Variants in GPC6 observed in about 807,000 individuals in gnomAD.
The protein encoded by GPC6 is glypican 6, also known as glypican-6.
GPC6 carries 14 observed loss-of-function variants against 55.2 expected under a neutral mutation model. That is an observed-to-expected ratio of 0.25 (90% CI 0.17 to 0.40). The LOEUF (loss-of-function observed/expected upper bound fraction) is 0.40. GPC6 is among the 10% of genes least tolerant of loss of function. GPC6 has a pLI of 1.00. For missense variants in GPC6, 641 were observed against 708.5 expected (o/e 0.90, Z 1.08); for synonymous variants, 278 against 259.6 (o/e 1.07, Z -0.68).
chr13:93,527,472 A>G (rs991774137), intron 1 of GPC6, among the ~76,000 whole-genome samples: 1 of 152,128 alleles, frequency 6.6e-6, no homozygotes, highest in African/African-American at 2.4e-5. Context: ...CTTTTGGTTT[A>G]AAACCATGGC....
chr13:93,763,870 C>G (rs144068907), intron 2 of GPC6, among the ~76,000 whole-genome samples: 11 of 151,892 alleles, frequency 7.2e-5, no homozygotes, highest in Non-Finnish European at 1.6e-4. Flanking sequence ...CTGCAAGACT[C>G]TCTCCTTTAT....
intron 6 of GPC6, among the ~76,000 whole-genome samples, chr13:94,350,950 T>C (rs529077076): frequency 6.6e-6 from 1 of 152,286 alleles, no homozygotes; most frequent in East Asian, 1.9e-4. Flanking sequence ...AAACTTGGCT[T>C]TCTCAGGTTG....
intron 1 of GPC6, among the ~76,000 whole-genome samples, chr13:93,254,708 A>T (rs1011445041): frequency 2.0e-5 from 3 of 147,656 alleles, no homozygotes; most frequent in East Asian, 4.0e-4. Context: ...GGAATTATAT[A>T]AAAAAAAAAT....
At chr13:93,683,895 G>T (rs1003049680) in intron 2 of GPC6, among the ~76,000 whole-genome samples, 4 of 152,088 alleles carry the variant, frequency 2.6e-5, no homozygotes, top group African/African-American at 9.7e-5. Context: ...CAGCATGGTT[G>T]GGTTCTGGTG....
At chr13:93,995,679 C>T (rs1881513204) in intron 3 of GPC6, among the ~76,000 whole-genome samples, 1 of 152,032 alleles carries the variant, frequency 6.6e-6, no homozygotes, top group South Asian at 2.1e-4. Flanking sequence ...AATATATTTT[C>T]AATTATAGTT....
In GPC6 at chr13:94,027,711, T is replaced by C; in HGVS notation, c.712-18T>C. The C allele has an allele frequency of 1.2e-6, 2 of 1,612,628 alleles. No individual in the cohort carries two copies. Among genetic ancestry groups the C allele is most frequent in the Non-Finnish European group, 1.7e-6 (2 of 1,178,610 alleles). ...CTTCTTATTTTTGATTTTCTTTTTC[T>C]TTGCAATAAATCTGCAGGTCAGCCC... On this transcript the variant is annotated intron_variant, in intron 3 of 8. Coordinates refer to ENST00000377047, the MANE Select transcript of GPC6 (RefSeq NM_005708.5).
chr13:94,225,774 G>A (rs9589933), intron 4 of GPC6, among the ~76,000 whole-genome samples: 14,193 of 151,872 alleles, frequency 0.093, 775 homozygotes, highest in East Asian at 0.19. Flanking sequence ...AGGCTTGCAG[G>A]AGCCTAAATC....
intron 4 of GPC6, among the ~76,000 whole-genome samples, chr13:94,120,270 G>A (rs1051126493): frequency 1.3e-5 from 2 of 152,010 alleles, no homozygotes; most frequent in South Asian, 2.1e-4. Flanking sequence ...GGTGGTCAAA[G>A]GCAGGAGCAG....
At chr13:93,761,683 T>C (rs536711528) in intron 2 of GPC6, among the ~76,000 whole-genome samples, 85 of 152,236 alleles carry the variant, frequency 5.6e-4, no homozygotes, top group Middle Eastern at 3.4e-3. Context: ...TTTTTAAAAT[T>C]ATTGTTTGTA....
At chr13:93,992,416 A>G (rs1222205413) in intron 3 of GPC6, among the ~76,000 whole-genome samples, 2 of 152,138 alleles carry the variant, frequency 1.3e-5, no homozygotes, top group Admixed American at 1.3e-4. Flanking sequence ...GATTAGGTCA[A>G]TTTAATTGTG....
Position 93,333,445 on chromosome 13 carries a change from A to AT in GPC6, c.160+105837dup, listed in dbSNP as rs568182411. 1.6e-3 allele frequency among the ~76,000 whole-genome samples: 221 copies of AT among 142,150 alleles called. 2 individuals are homozygous for AT. The East Asian group carries it at 0.018, about 11-fold the overall frequency. 93.3% of individuals were successfully genotyped at this position (142,150 alleles called of 152,430 possible). On this transcript the variant is annotated intron_variant, in intron 1 of 8. Coordinates refer to ENST00000377047, the MANE Select transcript of GPC6 (RefSeq NM_005708.5). ...GGTTGAATATATTACTAGTTATTTG[A>AT]TTTTTTTTGTAACTATTGTAAATGG...
chr13:93,739,498 C>T (rs934087114), intron 2 of GPC6, among the ~76,000 whole-genome samples: 10 of 145,060 alleles, frequency 6.9e-5, no homozygotes, highest in Admixed American at 4.3e-4. Flanking sequence ...GGTGCGATTT[C>T]GGCTCACTGC....
chr13:93,307,823 G>C (rs189109374), intron 1 of GPC6, among the ~76,000 whole-genome samples: 44 of 152,192 alleles, frequency 2.9e-4, no homozygotes, highest in African/African-American at 9.6e-4. Context: ...AATGCCAAGA[G>C]AGTGAATGTA....
intron 1 of GPC6, among the ~76,000 whole-genome samples, chr13:93,483,474 C>G (rs1879591986): frequency 6.6e-6 from 1 of 151,976 alleles, no homozygotes; most frequent in African/African-American, 2.4e-5. Flanking sequence ...CTAGTTTTTA[C>G]CAATATCTGA....
intron 1 of GPC6, among the ~76,000 whole-genome samples, chr13:93,412,838 A>T (rs4773745): frequency 0.15 from 22,642 of 152,102 alleles, 2,284 homozygotes; most frequent in East Asian, 0.48. Context: ...GTCAGGCTCT[A>T]TAATTATTTA....
intron 2 of GPC6, among the ~76,000 whole-genome samples, chr13:93,641,010 A>T (rs1177634614): frequency 2.0e-5 from 3 of 151,834 alleles, no homozygotes; most frequent in Non-Finnish European, 1.5e-5. Context: ...ATTCACAGAG[A>T]TGGAAGGATT....
At chr13:93,639,602 T>C (rs984188125) in intron 2 of GPC6, among the ~76,000 whole-genome samples, 1 of 152,094 alleles carries the variant, frequency 6.6e-6, no homozygotes. Context: ...ATGAAGGTCC[T>C]GAGAGTGGTC....
intron 6 of GPC6, among the ~76,000 whole-genome samples, chr13:94,326,580 C>G (rs940911398): frequency 6.6e-6 from 1 of 152,196 alleles, no homozygotes; most frequent in Non-Finnish European, 1.5e-5. Context: ...AGTCTGCCCC[C>G]ACGTAAATAC....
intron 4 of GPC6, among the ~76,000 whole-genome samples, chr13:94,116,925 CTTA>C (rs1035604573): frequency 5.9e-5 from 9 of 151,828 alleles, no homozygotes; most frequent in Non-Finnish European, 1.0e-4. Flanking sequence ...GAGTTGATCT[CTTA>C]TTATTATTAT....
Sources: gnomAD v4.1 joint callset for allele counts (sites outside exome capture counted in the v4.1 genomes callset) on GRCh38, gnomAD v4.1.1 for gene constraint, MANE v1.5 for transcripts, NCBI Gene and HGNC (gene_info 2026-07-23, HGNC 2026-07-21) for gene names.